Variants in DTNB observed in about 807,000 individuals in gnomAD.
DTNB encodes the protein DTN-B.
In DTNB, 63 loss-of-function variants were observed where a neutral mutation model predicts 90.7. That is an observed-to-expected ratio of 0.69 (90% CI 0.57 to 0.86). The LOEUF (loss-of-function observed/expected upper bound fraction) is 0.86, where lower values mean the gene tolerates loss of function less well. Ranked by LOEUF, DTNB falls within the 40% of genes least tolerant of loss-of-function variation. The pLI is 0.00. For missense variants in DTNB, 744 were observed against 807.1 expected (o/e 0.92, Z 0.95); for synonymous variants, 277 against 286.7 (o/e 0.97, Z 0.34).
intron 8 of DTNB, among the ~76,000 whole-genome samples, chr2:25,559,491 T>A (rs1031210709): frequency 6.6e-6 from 1 of 152,192 alleles, no homozygotes; most frequent in African/African-American, 2.4e-5. Context: ...ACTCCGATTT[T>A]GAATGTCGTA....
At chr2:25,556,906 G>C (rs1033582590) in intron 8 of DTNB, among the ~76,000 whole-genome samples, 2 of 152,238 alleles carry the variant, frequency 1.3e-5, no homozygotes, top group South Asian at 2.1e-4. Flanking sequence ...TGCTGCCTGT[G>C]AGTGGAAGAC....
intron 3 of DTNB, among the ~76,000 whole-genome samples, chr2:25,629,086 A>T (rs779733378): frequency 4.6e-5 from 7 of 152,194 alleles, no homozygotes; most frequent in Non-Finnish European, 7.3e-5. Context: ...ATACTCAACT[A>T]CACAGAAAAG....
At chr2:25,470,342 C>T (rs185596777) in intron 10 of DTNB, among the ~76,000 whole-genome samples, 1 of 150,378 alleles carries the variant, frequency 6.6e-6, no homozygotes, top group East Asian at 2.0e-4. Context: ...GAAAGTAGCA[C>T]ATTTCAGAGT....
At chr2:25,547,494 TTG>T (rs2082699105) in intron 8 of DTNB, among the ~76,000 whole-genome samples, 1 of 152,106 alleles carries the variant, frequency 6.6e-6, no homozygotes, top group South Asian at 2.1e-4. Flanking sequence ...CAGCCCATTT[TTG>T]TGTTTTAGTG....
At chr2:25,503,464 G>A (rs899603194) in intron 9 of DTNB, among the ~76,000 whole-genome samples, 28 of 152,138 alleles carry the variant, frequency 1.8e-4, no homozygotes, top group Non-Finnish European at 3.4e-4. Context: ...CTGCACTCCA[G>A]CCAAAGTGAC....
intron 12 of DTNB, among the ~76,000 whole-genome samples, chr2:25,440,688 AT>A (rs34165026): frequency 0.34 from 51,781 of 152,068 alleles, 10,437 homozygotes; most frequent in Non-Finnish European, 0.46. Flanking sequence ...TAGTAACAGT[AT>A]TTTTAACATA....
At chr2:25,543,059 A>G (rs2081624356) in intron 8 of DTNB, among the ~76,000 whole-genome samples, 1 of 152,172 alleles carries the variant, frequency 6.6e-6, no homozygotes, top group African/African-American at 2.4e-5. Context: ...TCTTTGATAA[A>G]CCATCTCTGG....
chr2:25,646,327 C>T (rs910232240), intron 2 of DTNB, among the ~76,000 whole-genome samples: 3 of 152,002 alleles, frequency 2.0e-5, no homozygotes, highest in African/African-American at 7.2e-5. Flanking sequence ...AAAAAATTAG[C>T]CAGGCGTAGT....
chr2:25,597,939 C>G (rs544360899), intron 5 of DTNB, among the ~76,000 whole-genome samples: 11 of 152,156 alleles, frequency 7.2e-5, no homozygotes, highest in Non-Finnish European at 1.5e-4. Context: ...TAAGCCCCAC[C>G]ATGTGCTAGG....
intron 8 of DTNB, among the ~76,000 whole-genome samples, chr2:25,546,203 C>A (rs1380296681): frequency 1.3e-5 from 2 of 152,178 alleles, no homozygotes; most frequent in Non-Finnish European, 1.5e-5. Flanking sequence ...CCGTCCTTTG[C>A]ATAAGTGGAC....
At chr2:25,584,511 G>A (rs2062045692) in intron 6 of DTNB, among the ~76,000 whole-genome samples, 1 of 151,678 alleles carries the variant, frequency 6.6e-6, no homozygotes. Flanking sequence ...ACATATAATA[G>A]GTTCATCATT....
intron 8 of DTNB, among the ~76,000 whole-genome samples, chr2:25,569,259 A>C (rs1341796619): frequency 6.6e-6 from 1 of 152,196 alleles, no homozygotes; most frequent in African/African-American, 2.4e-5. Flanking sequence ...ATTGGTGTTT[A>C]ATGTCACTAA....
chr2:25,402,598 G>A (rs894626331), intron 16 of DTNB, among the ~76,000 whole-genome samples: 4 of 152,160 alleles, frequency 2.6e-5, no homozygotes, highest in African/African-American at 9.7e-5. Flanking sequence ...TGTGTCTGTT[G>A]GAAGGATGAG....
At chr2:25,439,308 T>C (rs182018994) in intron 12 of DTNB, among the ~76,000 whole-genome samples, 1 of 152,188 alleles carries the variant, frequency 6.6e-6, no homozygotes, top group African/African-American at 2.4e-5. Flanking sequence ...GAGACCAGCC[T>C]GGTCAACACG....
At position 25,628,465 on chromosome 2, in the gene DTNB, C is replaced by CTAGT. The variant is rs1020117051; in HGVS notation, c.149-85_149-82dup. 6.8e-6 allele frequency: 9 copies of CTAGT among 1,320,182 alleles called. No individual in the cohort carries two copies. In the African/African-American group the frequency reaches 1.3e-4, roughly 20 times the overall value. The allele number at this position is 1,320,182 out of a possible 1,614,324, so 81.8% of individuals were successfully genotyped here. ...ACAATAGGAATCTAAAATTTATCAACTAGTTCTTAAGTTTAAAGAGAAGAA... is the reference window on the plus strand; with the variant it reads ...ACAATAGGAATCTAAAATTTATCAACTAGTTAGTTCTTAAGTTTAAAGAGAAGAA... On this transcript the variant is annotated intron_variant, in intron 3 of 20. Coordinates refer to ENST00000406818, the MANE Select transcript of DTNB (RefSeq NM_021907.5).
chr2:25,639,613 A>G (rs1207922318), intron 2 of DTNB, among the ~76,000 whole-genome samples: 1 of 152,124 alleles, frequency 6.6e-6, no homozygotes, highest in African/African-American at 2.4e-5. Context: ...AAAAAAAAAA[A>G]AAAGCCACAA....
chr2:25,667,339 A>C (rs935118006), intron 1 of DTNB, among the ~76,000 whole-genome samples: 3 of 151,910 alleles, frequency 2.0e-5, no homozygotes, highest in African/African-American at 7.3e-5. Flanking sequence ...AAATACAAAA[A>C]TTAGCCAGGC....
At chr2:25,555,650 T>G (rs999662459) in intron 8 of DTNB, among the ~76,000 whole-genome samples, 1 of 152,202 alleles carries the variant, frequency 6.6e-6, no homozygotes, top group Non-Finnish European at 1.5e-5. Context: ...CTATGTAACT[T>G]GCTTTTCTCA....
At chr2:25,436,700 T>C (rs1174236730) in intron 12 of DTNB, among the ~76,000 whole-genome samples, 2 of 152,124 alleles carry the variant, frequency 1.3e-5, no homozygotes, top group African/African-American at 2.4e-5. Flanking sequence ...GCCTACTGAG[T>C]AAATTTTCTA....
Sources: gnomAD v4.1 joint callset for allele counts (sites outside exome capture counted in the v4.1 genomes callset) on GRCh38, gnomAD v4.1.1 for gene constraint, MANE v1.5 for transcripts, NCBI Gene and HGNC (gene_info 2026-07-23, HGNC 2026-07-21) for gene names.